The following ARHGAP6 variants were observed in gnomAD, a reference collection of about 807,000 sequenced individuals.
ARHGAP6 encodes Rho GTPase activating protein 6.
Under a neutral mutation model 55.7 loss-of-function variants are expected in ARHGAP6, and 16 were observed. The ratio of observed to expected loss-of-function variants is 0.29; its 90% CI spans 0.19 to 0.44. The LOEUF is 0.44. Among genes scored for constraint, ARHGAP6 ranks in the 20% least tolerant of loss-of-function variants. The pLI is 1.00. For synonymous variants in ARHGAP6, 382 were observed against 360.9 expected (o/e 1.06, Z -0.66); for missense variants, 698 against 808.9 (o/e 0.86, Z 1.66).
chrX:11,218,156 GCTT>G (rs1479396692), intron 2 of ARHGAP6, among the ~76,000 whole-genome samples: 2 of 111,630 alleles, frequency 1.8e-5, no homozygotes, highest in African/African-American at 6.5e-5. Context: ...GATGCCTCCA[GCTT>G]TTTTCTTTTT....
chrX:11,221,867 G>C (rs192101045), intron 2 of ARHGAP6, among the ~76,000 whole-genome samples: 1 of 110,567 alleles, frequency 9.0e-6, no homozygotes, highest in Non-Finnish European at 1.9e-5. Flanking sequence ...GGTGGTTTTC[G>C]ATCCTCACCC....
intron 1 of ARHGAP6, among the ~76,000 whole-genome samples, chrX:11,364,085 A>C (rs762307598): frequency 1.8e-5 from 2 of 111,924 alleles, no homozygotes; most frequent in Admixed American, 9.5e-5. Flanking sequence ...CATTATCATA[A>C]GTGGAGGAAC....
rs1019399151 is a variant in ARHGAP6, at chrX:11,278,849, A to AT, written c.589-24143dup. On this transcript the variant is annotated intron_variant, in intron 1 of 12. Coordinates refer to ENST00000337414, the MANE Select transcript of ARHGAP6 (RefSeq NM_013427.3). ...ATAATCTCACCTCCTTCTATTTTTT[A>AT]TTTTTTTTTAATTTTCAGACCATCT... 1.1e-4 allele frequency among the ~76,000 whole-genome samples: 12 copies of AT among 109,686 alleles called. No homozygotes were observed. In the South Asian group the frequency reaches 2.0e-3, roughly 18 times the overall value.
At chrX:11,653,279 A>G (rs1466318635) in intron 1 of ARHGAP6, among the ~76,000 whole-genome samples, 1 of 112,635 alleles carries the variant, frequency 8.9e-6, no homozygotes, top group Non-Finnish European at 1.9e-5. Flanking sequence ...GGTTACACCA[A>G]ATCCACAATA....
intron 1 of ARHGAP6, among the ~76,000 whole-genome samples, chrX:11,261,144 T>C (rs1004735332): frequency 2.7e-5 from 3 of 112,000 alleles, no homozygotes; most frequent in African/African-American, 9.7e-5. Flanking sequence ...GTATTCTGGA[T>C]TCGAATAAAC....
intron 1 of ARHGAP6, among the ~76,000 whole-genome samples, chrX:11,323,176 T>C (rs2048454699): frequency 8.9e-6 from 1 of 112,553 alleles, no homozygotes; most frequent in South Asian, 3.7e-4. Flanking sequence ...ATACAAGTCA[T>C]ACTTTTGTCC....
At chrX:11,500,680 AAAAAG>A (rs1173437548) in intron 1 of ARHGAP6, among the ~76,000 whole-genome samples, 4 of 108,915 alleles carry the variant, frequency 3.7e-5, no homozygotes, top group African/African-American at 1.3e-4. Context: ...AAAAAAAAAA[AAAAAG>A]AAGAAGCAAA....
intron 11 of ARHGAP6, 138 bp from the exon 12 acceptor site, chrX:11,142,451 C>T: frequency 3.1e-6 from 1 of 321,724 alleles, no homozygotes; most frequent in Non-Finnish European, 5.4e-6. Flanking sequence ...AATTCAGATC[C>T]ACCTTTCAGC....
chrX:11,227,168 A>T (rs947882322), intron 2 of ARHGAP6, among the ~76,000 whole-genome samples: 8 of 111,585 alleles, frequency 7.2e-5, no homozygotes, highest in African/African-American at 1.3e-4. Context: ...CTTAAGGATG[A>T]TCTGTACACA....
chrX:11,660,482 G>A (rs754266773), intron 1 of ARHGAP6, among the ~76,000 whole-genome samples: 1 of 89,032 alleles, frequency 1.1e-5, no homozygotes, highest in South Asian at 7.1e-4. Context: ...AGCTGAGATC[G>A]TGCCACCGCA....
intron 1 of ARHGAP6, among the ~76,000 whole-genome samples, chrX:11,622,589 T>A (rs1362552834): frequency 9.0e-6 from 1 of 111,539 alleles, no homozygotes; most frequent in Non-Finnish European, 1.9e-5. Context: ...TGGACCCTGC[T>A]GTGTCACAAA....
intron 1 of ARHGAP6, among the ~76,000 whole-genome samples, chrX:11,504,617 A>T (rs988804015): frequency 2.7e-5 from 3 of 112,538 alleles, no homozygotes; most frequent in African/African-American, 9.7e-5. Context: ...TTAAAACCCC[A>T]ACTATATCTT....
intron 1 of ARHGAP6, among the ~76,000 whole-genome samples, chrX:11,484,548 AAGGAAAAAG>A (rs1040445216): frequency 2.1e-4 from 22 of 105,095 alleles, no homozygotes; most frequent in East Asian, 6.2e-4. Context: ...GGAAGAAGAG[AAGGAAAAAG>A]AGGAAAAAGA....
intron 1 of ARHGAP6, among the ~76,000 whole-genome samples, chrX:11,537,201 G>A (rs771274767): frequency 4.5e-5 from 5 of 112,203 alleles, no homozygotes; most frequent in Admixed American, 9.5e-5. Context: ...ACGTCCTGTC[G>A]CGACAACAGA....
intron 1 of ARHGAP6, among the ~76,000 whole-genome samples, chrX:11,313,175 ATTC>A (rs1366763547): frequency 1.8e-5 from 2 of 112,519 alleles, no homozygotes; most frequent in Non-Finnish European, 3.8e-5. Context: ...CAAAGCCAGA[ATTC>A]CTGCCTGGGC....
intron 10 of ARHGAP6, among the ~76,000 whole-genome samples, chrX:11,155,624 C>G (rs2147285587): frequency 8.9e-6 from 1 of 111,890 alleles, no homozygotes; most frequent in South Asian, 3.8e-4. Context: ...AGATTAGTCT[C>G]AATTTCAGAG....
In ARHGAP6 at chrX:11,590,775, C is replaced by CAAACAGAAAAGAAAA. The variant is rs1216907403; in HGVS notation, c.588+73465_588+73466insTTTTCTTTTCTGTTT. ...TGGGTGACAGAGTGAGACTCCATCT[C>CAAACAGAAAAGAAAA]GAAAAGAAAAGAAAAGAAAAGAAAA... On this transcript the variant is annotated intron_variant, in intron 1 of 12. Coordinates refer to ENST00000337414, the MANE Select transcript of ARHGAP6 (RefSeq NM_013427.3). 1.9e-4 allele frequency among the ~76,000 whole-genome samples: 2 copies of CAAACAGAAAAGAAAA among 10,738 alleles called. 1 individual carries two copies. The highest frequency in any genetic ancestry group is 1.0e-3 in the African/African-American group (2 of 1,947). The allele number at this position is 10,738 out of a possible 115,157, so 9.3% of individuals were successfully genotyped here.
intron 3 of ARHGAP6, among the ~76,000 whole-genome samples, chrX:11,195,591 T>A (rs901483522): frequency 1.8e-5 from 2 of 110,491 alleles, no homozygotes; most frequent in Non-Finnish European, 3.8e-5. Context: ...GAGAATTCAC[T>A]TACAAGTGGG....
At chrX:11,567,566 A>AAAAAAAAAAAAT (rs1440758737) in intron 1 of ARHGAP6, among the ~76,000 whole-genome samples, 1 of 84,411 alleles carries the variant, frequency 1.2e-5, no homozygotes, top group Non-Finnish European at 2.3e-5. Flanking sequence ...AAAAAAAAAA[A>AAAAAAAAAAAAT]ATATATATAT....
Sources: allele counts gnomAD v4.1 joint callset (sites outside exome capture counted in the v4.1 genomes callset), GRCh38; gene constraint gnomAD v4.1.1; transcripts MANE v1.5; gene names NCBI Gene and HGNC (gene_info 2026-07-23, HGNC 2026-07-21).